Variants in RTL4 observed in about 807,000 individuals in gnomAD.
RTL4 encodes retrotransposon Gag-like protein 4.
In RTL4, 4 loss-of-function variants were observed where a neutral mutation model predicts 5.3. The ratio of observed to expected loss-of-function variants is 0.75; its 90% CI spans 0.37 to 1.72. The LOEUF (loss-of-function observed/expected upper bound fraction) is 1.72, where lower values mean the gene tolerates loss of function less well. Among genes scored for constraint, RTL4 ranks in the 40% most tolerant of loss-of-function variants. The probability of loss-of-function intolerance (pLI) is 0.04; values close to 1 mark genes in which losing one functional copy is unlikely to be tolerated. For missense variants in RTL4, 260 were observed against 227.1 expected, an observed-to-expected ratio of 1.14 and a Z score of -0.93; for synonymous variants, 98 against 87.3, an observed-to-expected ratio of 1.12 and a Z score of -0.68.
chrX:112,104,274 C>T, the RTL4 span, among the ~76,000 whole-genome samples: 1 of 111,423 alleles, frequency 9.0e-6, no homozygotes, highest in African/African-American at 3.3e-5. Context: ...GTATATATAC[C>T]ACATTTTCTG....
At chrX:112,257,366 A>G in the RTL4 span, among the ~76,000 whole-genome samples, 1 of 111,523 alleles carries the variant, frequency 9.0e-6, no homozygotes, top group African/African-American at 3.3e-5. Flanking sequence ...ATATTTTATT[A>G]GTATTTTTGT....
chrX:112,351,811 C>A, the RTL4 span, among the ~76,000 whole-genome samples: 1 of 111,463 alleles, frequency 9.0e-6, no homozygotes, highest in Non-Finnish European at 1.9e-5. Context: ...TGGGTCTTGA[C>A]TCTTTATCCA....
chrX:112,252,137 A>C, the RTL4 span, among the ~76,000 whole-genome samples: 1 of 112,033 alleles, frequency 8.9e-6, no homozygotes, highest in African/African-American at 3.2e-5. Context: ...AATCAATCTA[A>C]AATGAACTGT....
the RTL4 span, among the ~76,000 whole-genome samples, chrX:112,260,338 T>G: frequency 9.0e-6 from 1 of 111,577 alleles, no homozygotes; most frequent in African/African-American, 3.3e-5. Flanking sequence ...AGTCCTCCTG[T>G]CAGCATACAG....
chrX:112,390,075 T>TG, the RTL4 span, among the ~76,000 whole-genome samples: 1 of 79,971 alleles, frequency 1.3e-5, no homozygotes, highest in Admixed American at 1.6e-4. Flanking sequence ...TTTATGAACC[T>TG]GGGTGCCCCT....
At chrX:112,439,329 T>G in the RTL4 span, among the ~76,000 whole-genome samples, 1 of 111,947 alleles carries the variant, frequency 8.9e-6, no homozygotes, top group Admixed American at 9.5e-5. Context: ...TCATGACTTA[T>G]ACCACTGTTG....
the RTL4 span, among the ~76,000 whole-genome samples, chrX:112,118,779 A>G: frequency 8.9e-6 from 1 of 112,149 alleles, no homozygotes; most frequent in Admixed American, 9.5e-5. Context: ...TTATGATGAG[A>G]TTATAGATAT....
At chrX:112,168,981 C>CCTTT in the RTL4 span, among the ~76,000 whole-genome samples, 1 of 72,509 alleles carries the variant, frequency 1.4e-5, no homozygotes, top group Admixed American at 1.5e-4. Context: ...TTCTTTCTTT[C>CCTTT]CTTTCTTTCT....
the RTL4 span, among the ~76,000 whole-genome samples, chrX:112,137,942 G>A: frequency 0.1 from 11,143 of 111,429 alleles, 603 homozygotes; most frequent in Non-Finnish European, 0.15. Context: ...AGATATCTGC[G>A]TAGCCATGTT....
chrX:112,413,488 T>C, the RTL4 span, among the ~76,000 whole-genome samples: 1 of 111,802 alleles, frequency 8.9e-6, no homozygotes, highest in Non-Finnish European at 1.9e-5. Context: ...AAAGAAAATA[T>C]GGTACATATA....
At chrX:112,310,797 A>C in the RTL4 span, among the ~76,000 whole-genome samples, 2 of 84,263 alleles carry the variant, frequency 2.4e-5, no homozygotes, top group Non-Finnish European at 4.3e-5. Context: ...TATTATATAT[A>C]ATTCTATATT....
At chrX:112,418,004 C>T in the RTL4 span, among the ~76,000 whole-genome samples, 396 of 110,271 alleles carry the variant, frequency 3.6e-3, 1 homozygote, top group Non-Finnish European at 6.4e-3. Context: ...AAAAATTAGC[C>T]GGGCGTGGTG....
chrX:112,423,082 G>A, the RTL4 span, among the ~76,000 whole-genome samples: 1 of 108,475 alleles, frequency 9.2e-6, no homozygotes, highest in Non-Finnish European at 1.9e-5. Flanking sequence ...TTACAAGCAT[G>A]TCTTTGTGTT....
chrX:112,245,939 T>G, the RTL4 span, among the ~76,000 whole-genome samples: 1 of 112,713 alleles, frequency 8.9e-6, no homozygotes, highest in African/African-American at 3.2e-5. Context: ...TTAGTTTTCC[T>G]TCTAACAGTC....
the RTL4 span, among the ~76,000 whole-genome samples, chrX:112,353,576 C>T: frequency 1.8e-5 from 2 of 110,432 alleles, no homozygotes; most frequent in African/African-American, 6.6e-5. Context: ...AGCAAACTAT[C>T]GCAAGGACAA....
the RTL4 span, among the ~76,000 whole-genome samples, chrX:112,104,187 A>G: frequency 8.9e-6 from 1 of 112,067 alleles, no homozygotes; most frequent in Admixed American, 9.5e-5. Context: ...TATCTAACAT[A>G]TTGTCCTCCA....
the RTL4 span, among the ~76,000 whole-genome samples, chrX:112,272,382 G>A: frequency 2.7e-5 from 3 of 111,819 alleles, no homozygotes; most frequent in Admixed American, 9.5e-5. Flanking sequence ...ATTTGTCTGC[G>A]CAGTGGATCC....
At chrX:112,388,147 A>G in the RTL4 span, among the ~76,000 whole-genome samples, 4 of 111,893 alleles carry the variant, frequency 3.6e-5, no homozygotes, top group East Asian at 2.8e-4. Flanking sequence ...CTGGTTAGCT[A>G]TATTCCTACA....
At chrX:112,121,545 G>A in the RTL4 span, among the ~76,000 whole-genome samples, 1 of 111,839 alleles carries the variant, frequency 8.9e-6, no homozygotes, top group African/African-American at 3.2e-5. Flanking sequence ...AAGTATTTTA[G>A]AGGACAGAAA....
Sources: gnomAD v4.1 joint callset for allele counts (sites outside exome capture counted in the v4.1 genomes callset) on GRCh38, gnomAD v4.1.1 for gene constraint, MANE v1.5 for transcripts, NCBI Gene and HGNC (gene_info 2026-07-23, HGNC 2026-07-21) for gene names.